The following CCDC27 variants were observed in gnomAD, a reference collection of about 807,000 sequenced individuals.
CCDC27 encodes coiled-coil domain containing 27.
CCDC27 carries 80 observed loss-of-function variants against 80.3 expected under a neutral mutation model. The ratio of observed to expected loss-of-function variants is 1.00; its 90% CI spans 0.83 to 1.20. The LOEUF (loss-of-function observed/expected upper bound fraction) is 1.20, where lower values mean the gene tolerates loss of function less well. CCDC27 is among the 50% of genes most tolerant of loss of function. The probability of loss-of-function intolerance (pLI) is 0.00; values close to 1 mark genes in which losing one functional copy is unlikely to be tolerated. For missense variants in CCDC27, 815 were observed against 809.4 expected (o/e 1.01, Z -0.08); for synonymous variants, 342 against 334.3 (o/e 1.02, Z -0.25).
Position 3,768,344 on chromosome 1 carries a change from G to A in CCDC27, c.1743+899G>A, listed in dbSNP as rs1429613069. Among the ~76,000 whole-genome samples the A allele has an allele frequency of 6.6e-6, 1 of 152,112 alleles. No individual in the cohort carries two copies. The highest frequency in any genetic ancestry group is 1.5e-5 in the Non-Finnish European group (1 of 68,032). ...ACTCCTGGGCTCCAGCAATCTGCCT[G>A]CCTTGGCCTCCCGAAGTGTTGGGAA... is the stretch of plus-strand genomic sequence containing the variant. On this transcript the variant is annotated intron_variant, in intron 10 of 11. Transcript: ENST00000294600. This position sits in a 1 kb window ranked among gnomAD's most constrained non-coding sequence, Gnocchi z 5.6.
At chr1:3,758,804 T>C (rs554633337) in intron 4 of CCDC27, among the ~76,000 whole-genome samples, 14 of 151,782 alleles carry the variant, frequency 9.2e-5, no homozygotes, top group Non-Finnish European at 1.8e-4. Context: ...TCCATGTTGC[T>C]CAGGTTTGCC....
At position 3,754,148 on chromosome 1, in the gene CCDC27, G is replaced by T; in HGVS notation, c.349G>T (p.Gly117Cys). Residue 117 changes from glycine to cysteine, a missense_variant, in exon 2 of 12, where the codon GGC becomes TGC. Coordinates refer to ENST00000294600, the MANE Select transcript of CCDC27 (RefSeq NM_152492.3). ...ACCCAAGGATGCCGCCAGCCTCACC[G>T]GCTTCATGTCCAAAATGGAACTTCG... ...SEPKDAASLT[G>C]FMSKMELRRV... 2 of 1,613,608 alleles carry T rather than the reference G, an allele frequency of 1.2e-6. No individual in the cohort carries two copies. Among genetic ancestry groups the T allele is most frequent in the Non-Finnish European group, 1.7e-6 (2 of 1,179,816 alleles).
intron 4 of CCDC27, among the ~76,000 whole-genome samples, chr1:3,759,006 C>T (rs1307109247): frequency 6.6e-6 from 1 of 150,394 alleles, no homozygotes; most frequent in African/African-American, 2.5e-5. Flanking sequence ...GTCAGGAGTT[C>T]AAGACCAGCC....
chr1:3,766,455 G>A lies in CCDC27; in HGVS notation c.1453-80G>A. The A allele has an allele frequency of 2.1e-6, 2 of 964,072 alleles. No individual in the cohort carries two copies. The highest frequency in any genetic ancestry group is 3.2e-6 in the Non-Finnish European group (2 of 620,630). 59.7% of individuals were successfully genotyped at this position (964,072 alleles called of 1,614,324 possible). ...TATTATTTTAGGGAGCTTTGGGGAA[G>A]GAAAAAAGTTAGATGCCGGAATTCA... is the stretch of plus-strand genomic sequence containing the variant. On this transcript the variant is annotated intron_variant, in intron 8 of 11. Coordinates refer to ENST00000294600, the MANE Select transcript of CCDC27 (RefSeq NM_152492.3). The surrounding 1 kb of genome is among the most constrained non-coding windows in gnomAD (Gnocchi z 6.1).
chr1:3,766,836 C>CT lies in CCDC27; in HGVS notation c.1530+224_1530+225insT, dbSNP rs1643237509. Among the ~76,000 whole-genome samples the CT allele has an allele frequency of 7.4e-6, 1 of 134,906 alleles. No individual in the cohort carries two copies. Among genetic ancestry groups the CT allele is most frequent in the African/African-American group, 3.0e-5 (1 of 33,266 alleles). The allele number at this position is 134,906 out of a possible 152,430, so 88.5% of individuals were successfully genotyped here. ...GAGGGACCCAGCAAGCGTTCCCAGT[C>CT]CTTTTTTTTTTTTTTTTTTTTTTGA... On this transcript the variant is annotated intron_variant, in intron 9 of 11. Coordinates refer to ENST00000294600, the MANE Select transcript of CCDC27 (RefSeq NM_152492.3). This position sits in a 1 kb window ranked among gnomAD's most constrained non-coding sequence, Gnocchi z 6.1.
Position 3,763,961 on chromosome 1 carries a change from T to C in CCDC27, c.1452+125T>C. 1 of 1,421,832 alleles carries C rather than the reference T, an allele frequency of 7.0e-7. No individual in the cohort carries two copies. Among genetic ancestry groups the C allele is most frequent in the Middle Eastern group, 2.6e-4 (1 of 3,816 alleles). 88.1% of individuals were successfully genotyped at this position (1,421,832 alleles called of 1,614,324 possible). A position where few individuals can be genotyped will look rare whatever the true frequency, so the allele number is the denominator to read the frequency against. ...TGATGGAGACTTTGAGCCTGGGGTG[T>C]CCAGGCAGCTGGCCCAGGGTTGTGC... On this transcript the variant is annotated intron_variant, in intron 8 of 11. Transcript: ENST00000294600. The surrounding 1 kb of genome is among the most constrained non-coding windows in gnomAD (Gnocchi z 7.5).
chr1:3,759,997 T>G (rs1045983403), intron 4 of CCDC27, among the ~76,000 whole-genome samples: 2 of 152,206 alleles, frequency 1.3e-5, no homozygotes, highest in African/African-American at 4.8e-5. Context: ...ATCTCCTCTC[T>G]GCCTTCGTCT....
In CCDC27 at chr1:3,761,244, C is replaced by T. The variant is rs1467373043; in HGVS notation, c.712-37C>T. ...AGGTCAGGGGAAGAGTGTGTGGCTGCATGGCCCACGGGGGCTGCCCTTGGT... is the reference window on the plus strand; with the variant it reads ...AGGTCAGGGGAAGAGTGTGTGGCTGTATGGCCCACGGGGGCTGCCCTTGGT... On this transcript the variant is annotated intron_variant, in intron 4 of 11. Coordinates refer to ENST00000294600, the MANE Select transcript of CCDC27 (RefSeq NM_152492.3). The surrounding 1 kb of genome is among the most constrained non-coding windows in gnomAD (Gnocchi z 5.0). 1 of 1,604,820 alleles carries T rather than the reference C, an allele frequency of 6.2e-7. No homozygotes were observed. The highest frequency in any genetic ancestry group is 8.5e-7 in the Non-Finnish European group (1 of 1,174,928).
intron 2 of CCDC27, among the ~76,000 whole-genome samples, chr1:3,754,702 G>A (rs1305349443): frequency 6.6e-6 from 1 of 152,136 alleles, no homozygotes; most frequent in Non-Finnish European, 1.5e-5. Context: ...AGCTCCATGG[G>A]CATCTGGGGG....
chr1:3,769,224 A>C lies in CCDC27; in HGVS notation c.1744-559A>C, dbSNP rs1389211325. On this transcript the variant is annotated intron_variant, in intron 10 of 11. Coordinates refer to ENST00000294600, the MANE Select transcript of CCDC27 (RefSeq NM_152492.3). This position sits in a 1 kb window ranked among gnomAD's most constrained non-coding sequence, Gnocchi z 4.6. ...GGCGGCTGCGGGTGTACAGGCAGAC[A>C]AGGATCTTCATGGCAGCAGAAGACG... is the stretch of plus-strand genomic sequence containing the variant. Among the ~76,000 whole-genome samples, 1 of 152,122 alleles carries C rather than the reference A, an allele frequency of 6.6e-6. No homozygotes were observed. Among genetic ancestry groups the C allele is most frequent in the Non-Finnish European group, 1.5e-5 (1 of 68,018 alleles).
chr1:3,755,388 G>A, intron 2 of CCDC27, 69 bp from the exon 3 acceptor site: 2 of 1,313,990 alleles, frequency 1.5e-6, no homozygotes, highest in Non-Finnish European at 2.2e-6. Flanking sequence ...ATAAATAAGA[G>A]TCTGCCCTGG....
rs750038927 is a variant in CCDC27, at chr1:3,769,791, G to T, written c.1752G>T (p.Arg584Ser). Residue 584 changes from arginine (R) to serine (S), a missense_variant, in exon 11 of 12, where the codon AGG becomes AGT. By Grantham distance (110) the Arg-to-Ser change is moderately radical. Transcript: ENST00000294600. This position sits in a 1 kb window ranked among gnomAD's most constrained non-coding sequence, Gnocchi z 4.6. The stretch of plus-strand genomic sequence containing the variant: ...TGTCCCTTTGCTCACAGCTCGAGAG[G>T]TTAAGGAATAAGATCATCCAGGCCA... ...ALESSQSRLE[R>S]LRNKIIQATF... 5 of 1,613,584 alleles carry T rather than the reference G, an allele frequency of 3.1e-6. No homozygotes were observed. In the African/African-American group the frequency reaches 6.7e-5, roughly 22 times the overall value.
In CCDC27 at chr1:3,756,831, G is replaced by T. The variant is rs765415352; in HGVS notation, c.652G>T (p.Ala218Ser). 3 of 1,613,768 alleles carry T rather than the reference G, an allele frequency of 1.9e-6. No individual in the cohort carries two copies. Among genetic ancestry groups the T allele is most frequent in the African/African-American group, 1.3e-5 (1 of 74,912 alleles). The change falls in exon 4 of 12, where the codon GCA (alanine) becomes TCA (serine). Residue 218 changes from alanine (A) to serine (S), a missense_variant. Transcript: ENST00000294600. ...TLSPVTSSSV[A>S]SQSCLRKRMP... ...GAGTCCGGTCACCAGCAGCTCAGTC[G>T]CATCTCAGAGCTGCCTGAGAAAGAG...
intron 6 of CCDC27, 41 bp downstream of exon 6, chr1:3,762,753 G>A (rs1355281372): frequency 1.3e-5 from 19 of 1,515,942 alleles, no homozygotes; most frequent in African/African-American, 2.8e-5. Context: ...TGGGGGACCC[G>A]GGCCCAGGAG....
intron 8 of CCDC27, among the ~76,000 whole-genome samples, chr1:3,765,764 A>T (rs932138349): frequency 6.6e-6 from 1 of 152,134 alleles, no homozygotes; most frequent in African/African-American, 2.4e-5. Flanking sequence ...CCAATGTTCG[A>T]GTTGACTGGA....
intron 10 of CCDC27, 88 bp downstream of exon 10, chr1:3,767,533 C>T (rs1252120236): frequency 8.1e-7 from 1 of 1,242,192 alleles, no homozygotes; most frequent in Non-Finnish European, 1.1e-6. Flanking sequence ...CGAGGTAGAA[C>T]CGGGGTCTGT....
chr1:3,761,542 C>A lies in CCDC27; in HGVS notation c.861+112C>A. ...TGGCAAACCCCCAGGCCCCCTGGAT[C>A]CTATCAGGTCCTCACTGGAACGTGG... On this transcript the variant is annotated intron_variant, in intron 5 of 11. Coordinates refer to ENST00000294600, the MANE Select transcript of CCDC27 (RefSeq NM_152492.3). This position sits in a 1 kb window ranked among gnomAD's most constrained non-coding sequence, Gnocchi z 5.0. 1.6e-6 allele frequency: 2 copies of A among 1,242,678 alleles called. No individual in the cohort carries two copies. Among genetic ancestry groups the A allele is most frequent in the Non-Finnish European group, 2.2e-6 (2 of 902,176 alleles). 77.0% of individuals were successfully genotyped at this position (1,242,678 alleles called of 1,614,324 possible).
Position 3,755,585 on chromosome 1 carries a change from G to A in CCDC27, c.553+18G>A, listed in dbSNP as rs756184696. 2.1e-5 allele frequency: 34 copies of A among 1,594,392 alleles called. 1 individual carries two copies. In the South Asian group the frequency reaches 3.6e-4, roughly 17 times the overall value. ...CGTGGACGGTGAGGGAGCCCCTAGGGCCTCTGCCTGCACCTGCTGGGCCCC... is the reference window on the plus strand; with the variant it reads ...CGTGGACGGTGAGGGAGCCCCTAGGACCTCTGCCTGCACCTGCTGGGCCCC... On this transcript the variant is annotated intron_variant, in intron 3 of 11. Transcript: ENST00000294600.
intron 8 of CCDC27, among the ~76,000 whole-genome samples, chr1:3,765,414 G>GTT (rs201095092): frequency 6.6e-6 from 1 of 152,062 alleles, no homozygotes; most frequent in East Asian, 1.9e-4. Context: ...TGGTTTTATT[G>GTT]TTTTTTTATG....
Sources: gnomAD v4.1 joint callset for allele counts (sites outside exome capture counted in the v4.1 genomes callset) on GRCh38, gnomAD v4.1.1 for gene constraint, Gnocchi (gnomAD v3.1) non-coding constraint, MANE v1.5 for transcripts, NCBI Gene and HGNC (gene_info 2026-07-23, HGNC 2026-07-21) for gene names.